Variants in TUSC3 observed in about 807,000 individuals in gnomAD.
TUSC3 encodes tumor suppressor candidate 3.
TUSC3 carries 45 observed loss-of-function variants against 44.8 expected under a neutral mutation model. That is an observed-to-expected ratio of 1.00 (90% confidence interval 0.79 to 1.29). The LOEUF (loss-of-function observed/expected upper bound fraction) is 1.29, where lower values mean the gene tolerates loss of function less well. Ranked by LOEUF, TUSC3 falls within the 50% of genes most tolerant of loss-of-function variation. TUSC3 has a pLI of 0.00. For missense variants in TUSC3, 519 were observed against 437.9 expected (o/e 1.19, Z -1.65); for synonymous variants, 212 against 152.9 (o/e 1.39, Z -2.85).
In TUSC3 at chr8:15,461,730, G is replaced by A. The variant is rs141240156; in HGVS notation, n.92-21656G>A. On this transcript the variant is annotated intron_variant and non_coding_transcript_variant, in intron 1 of 5. Transcript: ENST00000503191. ...CCCTTGTGTGCCAATTTTGCTAAGA[G>A]TTTTAATCATAAAGGAAAAAAAAAG... is the stretch of plus-strand genomic sequence containing the variant. 6.0e-5 allele frequency among the ~76,000 whole-genome samples: 9 copies of A among 148,812 alleles called. No individual in the cohort carries two copies. The East Asian group carries it at 1.8e-3, about 29-fold the overall frequency.
chr8:15,662,729 A>T (rs573109462), intron 5 of TUSC3, among the ~76,000 whole-genome samples: 23 of 152,014 alleles, frequency 1.5e-4, no homozygotes, highest in African/African-American at 5.1e-4. Flanking sequence ...TAAGAAATAC[A>T]CTCTGCCTGT....
Position 15,540,502 on chromosome 8 carries a change from C to T in TUSC3, c.72C>T (p.Ser24=). The T allele has an allele frequency of 6.2e-7, 1 of 1,608,570 alleles. No individual in the cohort carries two copies. The highest frequency in any genetic ancestry group is 8.5e-7 in the Non-Finnish European group (1 of 1,178,024). The change falls in exon 1 of 11, where the codon AGC becomes AGT. Residue 24 remains serine, a synonymous_variant. Transcript: ENST00000503731. ...GRRLRYLPTG[S]FPFLLLLLLL... ...GGCTGCGGTACCTGCCCACCGGGAG[C>T]TTTCCCTTCCTTCTCCTGCTGCTGC...
intron 2 of TUSC3, among the ~76,000 whole-genome samples, chr8:15,529,233 A>G (rs981273277): frequency 1.3e-5 from 2 of 152,176 alleles, no homozygotes; most frequent in African/African-American, 2.4e-5. Context: ...TTACTAAGCA[A>G]TTCCCTAATA....
chr8:15,610,587 A>G (rs1804715855), intron 1 of TUSC3, among the ~76,000 whole-genome samples: 1 of 152,200 alleles, frequency 6.6e-6, no homozygotes, highest in Non-Finnish European at 1.5e-5. Context: ...AGTGAGATAC[A>G]TATGCAAGTT....
intron 1 of TUSC3, among the ~76,000 whole-genome samples, chr8:15,605,670 T>A (rs554909795): frequency 6.6e-6 from 1 of 152,022 alleles, no homozygotes; most frequent in African/African-American, 2.4e-5. Context: ...TACTAGTCTA[T>A]TTTCATCGTT....
chr8:15,638,092 A>G (rs1292980204), intron 2 of TUSC3, among the ~76,000 whole-genome samples: 1 of 151,892 alleles, frequency 6.6e-6, no homozygotes, highest in African/African-American at 2.4e-5. Flanking sequence ...CTTGCCCACC[A>G]TGTTATAGAC....
chr8:15,551,862 C>A (rs1002473553), intron 1 of TUSC3, among the ~76,000 whole-genome samples: 1 of 151,674 alleles, frequency 6.6e-6, no homozygotes, highest in Non-Finnish European at 1.5e-5. Context: ...GTTGAGTTAG[C>A]GTCATAGCAT....
chr8:15,647,723 G>T (rs1176134128), intron 2 of TUSC3, among the ~76,000 whole-genome samples: 1 of 151,878 alleles, frequency 6.6e-6, no homozygotes, highest in Non-Finnish European at 1.5e-5. Flanking sequence ...TGAGAATTTG[G>T]GGTCTAATTT....
chr8:15,746,561 C>G (rs1811423733), intron 8 of TUSC3, among the ~76,000 whole-genome samples: 1 of 152,098 alleles, frequency 6.6e-6, no homozygotes, highest in African/African-American at 2.4e-5. Context: ...CTGAGTTCCT[C>G]TGCCTTCCCA....
the TUSC3 span, among the ~76,000 whole-genome samples, chr8:15,781,415 G>C: frequency 6.6e-6 from 1 of 152,096 alleles, no homozygotes; most frequent in Non-Finnish European, 1.5e-5. Context: ...ACAATGAAGA[G>C]ACCCACACTG....
intron 1 of TUSC3, among the ~76,000 whole-genome samples, chr8:15,587,047 C>A (rs1803631759): frequency 6.6e-6 from 1 of 152,270 alleles, no homozygotes; most frequent in South Asian, 2.1e-4. Context: ...GTTTTTCTTA[C>A]TCCCTTCGAC....
At chr8:15,748,333 G>A (rs1038618959) in intron 8 of TUSC3, 42 bp from the exon 9 acceptor site, 1 of 1,430,896 alleles carries the variant, frequency 7.0e-7, no homozygotes, top group African/African-American at 1.4e-5. Context: ...GGTTTCATTT[G>A]CATATTTTTA....
At chr8:15,545,499 T>C (rs1384610096) in intron 1 of TUSC3, among the ~76,000 whole-genome samples, 1 of 151,826 alleles carries the variant, frequency 6.6e-6, no homozygotes, top group Non-Finnish European at 1.5e-5. Flanking sequence ...GACTATGTGC[T>C]ATATGCAAAT....
At chr8:15,498,525 C>G (rs6530877) in intron 2 of TUSC3, among the ~76,000 whole-genome samples, 2 of 151,932 alleles carry the variant, frequency 1.3e-5, no homozygotes, top group Non-Finnish European at 2.9e-5. Flanking sequence ...AGGATCCTAG[C>G]GATGAATTTG....
At chr8:15,594,450 A>G (rs1265586557) in intron 1 of TUSC3, among the ~76,000 whole-genome samples, 1 of 151,938 alleles carries the variant, frequency 6.6e-6, no homozygotes, top group African/African-American at 2.4e-5. Context: ...GTTTAATTGG[A>G]TCATAGGCAT....
intron 1 of TUSC3, among the ~76,000 whole-genome samples, chr8:15,603,689 A>G (rs1460017687): frequency 1.3e-5 from 2 of 151,414 alleles, no homozygotes; most frequent in Non-Finnish European, 1.5e-5. Flanking sequence ...ATGATGATGA[A>G]CATGAACTGT....
intron 1 of TUSC3, among the ~76,000 whole-genome samples, chr8:15,571,615 C>T (rs1227231029): frequency 6.6e-6 from 1 of 152,062 alleles, no homozygotes; most frequent in Non-Finnish European, 1.5e-5. Context: ...ATGGTGGGAG[C>T]AGCTGGCAAC....
chr8:15,819,169 T>G, the TUSC3 span, among the ~76,000 whole-genome samples: 473 of 152,284 alleles, frequency 3.1e-3, no homozygotes, highest in African/African-American at 0.011. Context: ...TTCTGGATGT[T>G]TACGTTTGCA....
intron 2 of TUSC3, among the ~76,000 whole-genome samples, chr8:15,503,651 C>G (rs1300923012): frequency 6.6e-6 from 1 of 152,034 alleles, no homozygotes; most frequent in Non-Finnish European, 1.5e-5. Context: ...TTGCAGTAAG[C>G]TACGTTCGTA....
Sources: gnomAD v4.1 joint callset for allele counts (sites outside exome capture counted in the v4.1 genomes callset) on GRCh38, gnomAD v4.1.1 for gene constraint, MANE v1.5 for transcripts, NCBI Gene and HGNC (gene_info 2026-07-23, HGNC 2026-07-21) for gene names.